Variants in TRIM67 observed in about 807,000 individuals in gnomAD.
TRIM67 encodes tripartite motif containing 67.
A neutral mutation model predicts 71.0 loss-of-function variants in TRIM67; 39 were observed. That is an observed-to-expected ratio of 0.55 (90% CI 0.43 to 0.72). TRIM67 has a LOEUF of 0.72. Ranked by LOEUF, TRIM67 falls within the 30% of genes least tolerant of loss-of-function variation. TRIM67 has a pLI of 0.00. For synonymous variants in TRIM67, 481 were observed against 473.9 expected, an observed-to-expected ratio of 1.01 and a Z score of -0.19; for missense variants, 973 against 1,079.2, an observed-to-expected ratio of 0.90 and a Z score of 1.38.
At chr1:231,204,145 G>A in intron 6 of TRIM67, 133 bp downstream of exon 6, 1 of 1,342,116 alleles carries the variant, frequency 7.5e-7, no homozygotes, top group Non-Finnish European at 1.0e-6. Flanking sequence ...CTGGCCAAAA[G>A]GATAAAGAAG....
At chr1:231,171,494 G>A (rs573783773) in intron 1 of TRIM67, among the ~76,000 whole-genome samples, 54 of 152,210 alleles carry the variant, frequency 3.5e-4, no homozygotes, top group African/African-American at 1.3e-3. Flanking sequence ...CCACTCTTTA[G>A]CCATTTTCGG....
intron 1 of TRIM67, among the ~76,000 whole-genome samples, chr1:231,193,113 C>T (rs147704057): frequency 3.3e-5 from 5 of 152,228 alleles, no homozygotes; most frequent in African/African-American, 1.2e-4. Flanking sequence ...CAGAAGCAAG[C>T]TTGCTGAGTT....
In TRIM67 at chr1:231,215,436, A is replaced by G. The variant is rs1419841648; in HGVS notation, c.2348A>G (p.Asn783Ser). 1.9e-6 allele frequency: 3 copies of G among 1,609,464 alleles called. No homozygotes were observed. The highest frequency in any genetic ancestry group is 1.7e-5 in the Admixed American group (1 of 59,656). Residue 783 changes from asparagine to serine, a missense_variant, in exon 10 of 10, where the codon AAT becomes AGT. Asn to Ser is a conservative substitution (Grantham distance 46, BLOSUM62 1). This residue lies in a region of TRIM67 where 178 missense variants were observed against 247.9 expected (regional missense o/e 0.72). Transcript: ENST00000366653. ...TNLGRPKLSGN is the reference protein window; with the variant it reads ...TNLGRPKLSGS Reference sequence around the variant, plus strand: ...CTGGGGCGGCCAAAGCTGTCAGGCAATTAGCCCCGCTCCAGCTCGGCACTG... The same window carrying G: ...CTGGGGCGGCCAAAGCTGTCAGGCAGTTAGCCCCGCTCCAGCTCGGCACTG...
chr1:231,171,719 C>T (rs1055782345), intron 1 of TRIM67, among the ~76,000 whole-genome samples: 3 of 152,054 alleles, frequency 2.0e-5, no homozygotes, highest in Admixed American at 6.6e-5. Context: ...GATTATGAGT[C>T]GCAACCTCTT....
At chr1:231,188,780 C>T (rs1683155001) in intron 1 of TRIM67, among the ~76,000 whole-genome samples, 1 of 152,190 alleles carries the variant, frequency 6.6e-6, no homozygotes, top group South Asian at 2.1e-4. Flanking sequence ...GAGCTCAGCA[C>T]TTAGCAAGCT....
At chr1:231,204,566 C>G (rs1683644217) in intron 6 of TRIM67, among the ~76,000 whole-genome samples, 1 of 152,186 alleles carries the variant, frequency 6.6e-6, no homozygotes, top group African/African-American at 2.4e-5. Context: ...TACTCCCCAT[C>G]TTCTAGAAAC....
intron 9 of TRIM67, 79 bp downstream of exon 9, chr1:231,214,056 G>T (rs1335814940): frequency 3.5e-6 from 5 of 1,445,606 alleles, no homozygotes; most frequent in Non-Finnish European, 4.6e-6. Context: ...CCCTTGGGCA[G>T]AGTGGGCCAT....
In TRIM67 at chr1:231,172,036, A is replaced by G. The variant is rs1037712991; in HGVS notation, c.1044+8023A>G. 3.3e-5 allele frequency among the ~76,000 whole-genome samples: 5 copies of G among 151,834 alleles called. No individual in the cohort carries two copies. In the East Asian group the frequency reaches 9.8e-4, roughly 30 times the overall value. ...GCTTGAGCCCAGGCTGTGGTGTGCT[A>G]TGATTGCAGCGCTGCACTCTAGCCT... On this transcript the variant is annotated intron_variant, in intron 1 of 9. Transcript: ENST00000366653.
At chr1:231,213,267 C>G (rs894944541) in intron 8 of TRIM67, among the ~76,000 whole-genome samples, 3 of 152,148 alleles carry the variant, frequency 2.0e-5, no homozygotes, top group African/African-American at 7.2e-5. Flanking sequence ...CAGATGCTGT[C>G]AGAAAGAGGG....
chr1:231,201,156 C>T (rs767980995), intron 4 of TRIM67, among the ~76,000 whole-genome samples: 5 of 152,248 alleles, frequency 3.3e-5, no homozygotes, highest in Admixed American at 1.3e-4. Flanking sequence ...TTATGAAATA[C>T]GATTGAAACA....
chr1:231,163,490 G>A lies in TRIM67; in HGVS notation c.521G>A (p.Arg174His). Residue 174 changes from arginine (R) to histidine (H), a missense_variant, in exon 1 of 10, where the codon CGC becomes CAC. By Grantham distance (29) the Arg-to-His change is conservative. Transcript: ENST00000366653. ...RSASLDHRGL[R>H]GFQRNRLLEA... ...GCATCCCTGGACCACCGCGGCCTGC[G>A]CGGCTTCCAGCGCAACCGGCTGCTC... The A allele has an allele frequency of 6.6e-7, 1 of 1,522,372 alleles. No individual in the cohort carries two copies. The highest frequency in any genetic ancestry group is 1.4e-5 in the African/African-American group (1 of 70,200). The allele number at this position is 1,522,372 out of a possible 1,614,324, so 94.3% of individuals were successfully genotyped here.
intron 8 of TRIM67, among the ~76,000 whole-genome samples, chr1:231,212,824 T>C (rs1571905702): frequency 6.6e-6 from 1 of 152,306 alleles, no homozygotes; most frequent in Admixed American, 6.5e-5. Context: ...CTTACTTTTA[T>C]TATAGATTCA....
intron 1 of TRIM67, among the ~76,000 whole-genome samples, chr1:231,177,938 T>C (rs1393360197): frequency 6.6e-6 from 1 of 152,198 alleles, no homozygotes; most frequent in African/African-American, 2.4e-5. Flanking sequence ...ATCCATGCCA[T>C]AAAGTATGAT....
chr1:231,182,001 T>A lies in TRIM67; in HGVS notation c.1045-15370T>A, dbSNP rs572929938. Among the ~76,000 whole-genome samples the A allele has an allele frequency of 2.6e-3, 393 of 152,360 alleles. 2 individuals carry two copies. Among genetic ancestry groups the A allele is most frequent in the African/African-American group, 8.3e-3 (344 of 41,584 alleles). ...ACTTCCGCAGCATGTTATCCTCATA[T>A]CTTCACATGGCCAGTGACAAATGAG... is the stretch of plus-strand genomic sequence containing the variant. On this transcript the variant is annotated intron_variant, in intron 1 of 9. Coordinates refer to ENST00000366653, the MANE Select transcript of TRIM67 (RefSeq NM_001004342.5).
At chr1:231,170,184 C>T (rs948265055) in intron 1 of TRIM67, among the ~76,000 whole-genome samples, 11 of 151,962 alleles carry the variant, frequency 7.2e-5, no homozygotes, top group African/African-American at 2.7e-4. Context: ...TGGGGTTTCC[C>T]CGTGTTGGTC....
rs186591198 is a variant in TRIM67, at chr1:231,200,188, G to A, written c.1304G>A (p.Arg435His). The change falls in exon 4 of 10, where the codon CGT becomes CAT. Residue 435 changes from arginine (R) to histidine (H), a missense_variant. By Grantham distance (29) the Arg-to-His change is conservative (BLOSUM62 0). Around this residue, in one of 2 missense-constraint regions of TRIM67, gnomAD observed 795 missense variants for 831.3 expected, o/e 0.96. Transcript: ENST00000366653. ...DQINHCTLKL[R>H]QSTGLMEYCL... ...ATCAATCACTGCACATTGAAGCTGC[G>A]TCAGTCCACCGGACTGATGGAGTAC... 1.9e-3 allele frequency: 3,125 copies of A among 1,613,842 alleles called. 6 individuals are homozygous for A. Among genetic ancestry groups the A allele is most frequent in the Non-Finnish European group, 2.2e-3 (2,634 of 1,179,788 alleles).
At chr1:231,186,955 T>C (rs1683095858) in intron 1 of TRIM67, among the ~76,000 whole-genome samples, 1 of 152,254 alleles carries the variant, frequency 6.6e-6, no homozygotes, top group Non-Finnish European at 1.5e-5. Context: ...GGGACTGCTT[T>C]ACCCGCACAT....
intron 1 of TRIM67, among the ~76,000 whole-genome samples, chr1:231,176,915 A>AAAAAAAC (rs956370214): frequency 5.9e-5 from 9 of 151,658 alleles, no homozygotes; most frequent in Admixed American, 1.3e-4. Context: ...GCAAAAAAAA[A>AAAAAAAC]AAAAAAAACA....
intron 1 of TRIM67, among the ~76,000 whole-genome samples, chr1:231,169,879 C>T (rs1361290105): frequency 4.6e-5 from 7 of 152,226 alleles, no homozygotes; most frequent in Non-Finnish European, 7.3e-5. Flanking sequence ...AACATCACCA[C>T]TGTCTTCAAG....
Sources: allele counts gnomAD v4.1 joint callset (sites outside exome capture counted in the v4.1 genomes callset), GRCh38; gene constraint gnomAD v4.1.1; regional missense constraint gnomAD v4.1.1; transcripts MANE v1.5; gene names NCBI Gene and HGNC (gene_info 2026-07-23, HGNC 2026-07-21).